OCLN: variants seen among roughly 807,000 people sequenced by gnomAD.
The protein encoded by OCLN is phosphatase 1, regulatory subunit 115.
A neutral mutation model predicts 47.9 loss-of-function variants in OCLN; 21 were observed. That is an observed-to-expected ratio of 0.44 (90% CI 0.31 to 0.63). The LOEUF (loss-of-function observed/expected upper bound fraction) is 0.63. Among genes scored for constraint, OCLN ranks in the 30% least tolerant of loss-of-function variants. OCLN has a pLI of 0.08. For synonymous variants in OCLN, 117 were observed against 198.4 expected (o/e 0.59, Z 3.45); for missense variants, 360 against 571.0 (o/e 0.63, Z 3.77).
At chr5:69,518,868 A>G (rs1769049129) in intron 4 of OCLN, among the ~76,000 whole-genome samples, 1 of 152,210 alleles carries the variant, frequency 6.6e-6, no homozygotes. Context: ...CGGGGGGAAA[A>G]GAAAAACTCA....
intron 4 of OCLN, among the ~76,000 whole-genome samples, chr5:69,525,041 T>C (rs1243075479): frequency 1.3e-5 from 2 of 152,160 alleles, no homozygotes; most frequent in African/African-American, 4.8e-5. Context: ...ACATTTCTCT[T>C]GGCTATGTAC....
At chr5:69,530,314 C>A (rs1769394513) in intron 4 of OCLN, among the ~76,000 whole-genome samples, 1 of 152,140 alleles carries the variant, frequency 6.6e-6, no homozygotes, top group Non-Finnish European at 1.5e-5. Flanking sequence ...TCATTTCTCT[C>A]ATAATAGGAA....
chr5:69,501,735 T>A (rs1768464261), intron 1 of OCLN, among the ~76,000 whole-genome samples: 1 of 152,228 alleles, frequency 6.6e-6, no homozygotes, highest in African/African-American at 2.4e-5. Context: ...AAAAGTGGCT[T>A]TTAAAAATGT....
intron 4 of OCLN, among the ~76,000 whole-genome samples, chr5:69,515,653 T>C (rs1409889467): frequency 7.3e-6 from 1 of 137,544 alleles, no homozygotes; most frequent in Admixed American, 7.2e-5. Context: ...CCCACCTCCC[T>C]CCCGGATGGG....
rs143335340 is a variant in OCLN at position 69,509,765 on chromosome 5, T to G, written c.675T>G (p.Thr225=). The G allele has an allele frequency of 5.3e-5, 86 of 1,614,026 alleles. 2 individuals carry two copies. In the South Asian group the frequency reaches 9.0e-4, roughly 17 times the overall value. ...ACCAATTTTATACACCTGCAGCTAC[T>G]GGACTCTACGTGGATCAGTATTTGT... ...LCNQFYTPAA[T]GLYVDQYLYH... is the part of the protein sequence containing the mutation. The change falls in exon 3 of 9, where the codon ACT becomes ACG. Residue 225 remains threonine (T), a synonymous_variant. Transcript: ENST00000396442.
rs1430628172 is a variant in OCLN at position 69,509,205 on chromosome 5, C to G, written c.115C>G (p.Leu39Val). ...YGGEMHVRPMLSQPAYSFYPE... is the reference protein window; with the variant it reads ...YGGEMHVRPMVSQPAYSFYPE... The stretch of plus-strand genomic sequence containing the variant: ...TGGAGAGATGCATGTTCGACCAATG[C>G]TCTCTCAGCCAGCCTACTCTTTTTA... Residue 39 changes from leucine (L) to valine (V), a missense_variant, in exon 3 of 9, where the codon CTC becomes GTC. Physicochemically the swap from Leu to Val is conservative, Grantham distance 32 (BLOSUM62 1). This residue lies in a region of OCLN where 314 missense variants were observed against 368.1 expected (regional missense o/e 0.85). Transcript: ENST00000396442. 6.2e-7 allele frequency: 1 copy of G among 1,613,886 alleles called. No homozygotes were observed. Among genetic ancestry groups the G allele is most frequent in the African/African-American group, 1.3e-5 (1 of 74,940 alleles).
At chr5:69,514,217 T>G (rs1425122534) in intron 4 of OCLN, 108 bp downstream of exon 4, 2 of 1,020,672 alleles carry the variant, frequency 2.0e-6, no homozygotes, top group East Asian at 5.1e-5. Flanking sequence ...TTGTATATGT[T>G]GCAAAGGTTG....
Position 69,504,243 on chromosome 5 carries a change from C to T in OCLN, c.-2C>T, listed in dbSNP as rs902880311. The T allele has an allele frequency of 1.9e-6, 3 of 1,605,692 alleles. No homozygotes were observed. The highest frequency in any genetic ancestry group is 1.1e-5 in the South Asian group (1 of 90,886). Reference sequence around the variant, plus strand: ...AGATCAGCTGACCATTGACAATCAGCCATGTCATCCAGGCCTCTTGAAAGT... The same window carrying T: ...AGATCAGCTGACCATTGACAATCAGTCATGTCATCCAGGCCTCTTGAAAGT... On this transcript the variant is annotated 5_prime_UTR_variant, in exon 2 of 9. Coordinates refer to ENST00000396442, the MANE Select transcript of OCLN (RefSeq NM_001205254.2).
At chr5:69,496,720 T>C (rs1231132172) in intron 1 of OCLN, among the ~76,000 whole-genome samples, 2 of 152,142 alleles carry the variant, frequency 1.3e-5, no homozygotes, top group Non-Finnish European at 2.9e-5. Context: ...CCTGTTTTTT[T>C]CATCTTAGCT....
chr5:69,536,146 G>C (rs1476928973), intron 5 of OCLN, among the ~76,000 whole-genome samples: 1 of 151,396 alleles, frequency 6.6e-6, no homozygotes, highest in African/African-American at 2.4e-5. Context: ...TAAATAAATG[G>C]TACATCTTGT....
intron 4 of OCLN, among the ~76,000 whole-genome samples, chr5:69,529,903 C>G (rs899616409): frequency 6.6e-6 from 1 of 152,158 alleles, no homozygotes; most frequent in African/African-American, 2.4e-5. Flanking sequence ...CGCACCTGGC[C>G]TAGAGAAATC....
rs1186063102 is a variant in OCLN, at chr5:69,553,706, T to C, written c.*35T>C. The C allele has an allele frequency of 8.2e-6, 13 of 1,585,586 alleles. No homozygotes were observed. The highest frequency in any genetic ancestry group is 3.3e-5 in the Admixed American group (2 of 59,702). ...GCCAAGTTGTTTGAGAAATTAAGTA[T>C]CTGACATCTCTGCAATCTTCTCAGA... On this transcript the variant is annotated 3_prime_UTR_variant, in exon 9 of 9. Coordinates refer to ENST00000396442, the MANE Select transcript of OCLN (RefSeq NM_001205254.2).
rs1215081643 is a variant in OCLN, at chr5:69,493,814, G to A, written c.-69+914G>A. Reference sequence around the variant, plus strand: ...GCCTGCGTCGGAGGAAGCGTGCGGGGAGCAGGGGTCGAGGGCCAAGATGGC... The same window carrying A: ...GCCTGCGTCGGAGGAAGCGTGCGGGAAGCAGGGGTCGAGGGCCAAGATGGC... On this transcript the variant is annotated intron_variant, in intron 1 of 8. Coordinates refer to ENST00000396442, the MANE Select transcript of OCLN (RefSeq NM_001205254.2). This position sits in a 1 kb window ranked among gnomAD's most constrained non-coding sequence, Gnocchi z 5.3. Among the ~76,000 whole-genome samples the A allele has an allele frequency of 6.6e-6, 1 of 152,190 alleles. No homozygotes were observed. The highest frequency in any genetic ancestry group is 1.9e-4 in the East Asian group (1 of 5,182).
At chr5:69,538,013 T>C in intron 5 of OCLN, among the ~76,000 whole-genome samples, 1 of 104,936 alleles carries the variant, frequency 9.5e-6, no homozygotes, top group African/African-American at 4.0e-5. Flanking sequence ...TCAACTCTTT[T>C]TTTTTTTTAA....
chr5:69,525,924 C>A (rs914482044), intron 4 of OCLN, among the ~76,000 whole-genome samples: 1 of 152,160 alleles, frequency 6.6e-6, no homozygotes, highest in Non-Finnish European at 1.5e-5. Flanking sequence ...TGTTCTCATG[C>A]CGAGTGAACC....
At chr5:69,498,438 G>T (rs900622931) in intron 1 of OCLN, among the ~76,000 whole-genome samples, 2 of 151,802 alleles carry the variant, frequency 1.3e-5, no homozygotes, top group Non-Finnish European at 2.9e-5. Context: ...AGGTTGCATT[G>T]AGCCGAGATC....
chr5:69,507,420 C>T (rs1056129148), intron 2 of OCLN, among the ~76,000 whole-genome samples: 1 of 152,102 alleles, frequency 6.6e-6, no homozygotes, highest in Non-Finnish European at 1.5e-5. Flanking sequence ...TGAGCCACCA[C>T]ATCTGGCCAG....
At chr5:69,517,396 C>T (rs918442215) in intron 4 of OCLN, among the ~76,000 whole-genome samples, 7 of 151,448 alleles carry the variant, frequency 4.6e-5, no homozygotes, top group African/African-American at 1.5e-4. Flanking sequence ...CTGCAACCTC[C>T]GCCTCCCGGG....
chr5:69,519,431 C>T (rs1261065292), intron 4 of OCLN, among the ~76,000 whole-genome samples: 1 of 152,196 alleles, frequency 6.6e-6, no homozygotes, highest in African/African-American at 2.4e-5. Context: ...TGGCTCAACA[C>T]AGTGGTTTCT....
Sources: allele counts gnomAD v4.1 joint callset (sites outside exome capture counted in the v4.1 genomes callset), GRCh38; gene constraint gnomAD v4.1.1; regional missense constraint gnomAD v4.1.1; non-coding constraint Gnocchi (gnomAD v3.1); transcripts MANE v1.5; gene names NCBI Gene and HGNC (gene_info 2026-07-23, HGNC 2026-07-21).